Variants in TMED3 observed in about 807,000 individuals in gnomAD.
The protein encoded by TMED3 is transmembrane p24 trafficking protein 3, also known as transmembrane emp24 domain-containing protein 3.
Under a neutral mutation model 15.0 loss-of-function variants are expected in TMED3, and 9 were observed. The ratio of observed to expected loss-of-function variants is 0.60; its 90% CI spans 0.36 to 1.04. The LOEUF (loss-of-function observed/expected upper bound fraction) is 1.04, where lower values mean the gene tolerates loss of function less well. Ranked by LOEUF, TMED3 falls within the 50% of genes least tolerant of loss-of-function variation. TMED3 has a pLI of 0.01. For missense variants in TMED3, 267 were observed against 278.9 expected (o/e 0.96, Z 0.30); for synonymous variants, 117 against 121.4 (o/e 0.96, Z 0.24).
At chr15:79,320,059 G>C (rs1298615326) in intron 2 of TMED3, among the ~76,000 whole-genome samples, 1 of 152,140 alleles carries the variant, frequency 6.6e-6, no homozygotes, top group African/African-American at 2.4e-5. Context: ...ACTGGGAAAA[G>C]GGAGTCCCCC....
At chr15:79,323,459 C>A (rs992026681), downstream of TMED3, among the ~76,000 whole-genome samples, 1 of 151,632 alleles carries the variant, frequency 6.6e-6, no homozygotes, top group Non-Finnish European at 1.5e-5. Flanking sequence ...TTTGCTATTT[C>A]TTTTCTCTTA....
chr15:79,393,971 A>G (rs188150389), intron 2 of TMED3, among the ~76,000 whole-genome samples: 49 of 148,094 alleles, frequency 3.3e-4, no homozygotes, highest in Admixed American at 6.8e-4. Flanking sequence ...TGTTGGGATT[A>G]CATGCATGAG....
chr15:79,360,564 A>G (rs533426504), intron 2 of TMED3, among the ~76,000 whole-genome samples: 42 of 152,238 alleles, frequency 2.8e-4, no homozygotes, highest in Non-Finnish European at 4.1e-4. Flanking sequence ...ATTCCTTACA[A>G]CAGTACACTG....
At chr15:79,401,613 A>G (rs1344158337) in intron 2 of TMED3, among the ~76,000 whole-genome samples, 1 of 152,134 alleles carries the variant, frequency 6.6e-6, no homozygotes. Context: ...AAATGTCAAT[A>G]GTGCCAAGAT....
At chr15:79,321,185 G>A (rs937271906) in intron 2 of TMED3, among the ~76,000 whole-genome samples, 1 of 152,176 alleles carries the variant, frequency 6.6e-6, no homozygotes, top group Non-Finnish European at 1.5e-5. Context: ...CCCATCTTCA[G>A]GTCAGCTGTG....
intron 2 of TMED3, among the ~76,000 whole-genome samples, chr15:79,339,787 G>A (rs2058843765): frequency 1.3e-5 from 2 of 150,754 alleles, no homozygotes; most frequent in African/African-American, 4.9e-5. Context: ...GGTGGTGATG[G>A]CAGTGGTGGT....
chr15:79,334,849 G>C (rs2141225358), intron 2 of TMED3, among the ~76,000 whole-genome samples: 1 of 144,514 alleles, frequency 6.9e-6, no homozygotes, highest in Middle Eastern at 3.9e-3. Context: ...ATTGTAGAAG[G>C]GGTTATAATA....
chr15:79,375,604 T>G (rs1050215902), intron 2 of TMED3, among the ~76,000 whole-genome samples: 5 of 152,090 alleles, frequency 3.3e-5, no homozygotes, highest in African/African-American at 1.2e-4. Flanking sequence ...GCATGTCACA[T>G]GGCGAAAGCA....
At chr15:79,321,296 C>G (rs2058765619) in intron 2 of TMED3, among the ~76,000 whole-genome samples, 1 of 152,200 alleles carries the variant, frequency 6.6e-6, no homozygotes, top group Non-Finnish European at 1.5e-5. Context: ...AGGACATTTT[C>G]AGACTTCTGC....
At chr15:79,324,090 A>T (rs377754539), downstream of TMED3, among the ~76,000 whole-genome samples, 16 of 152,254 alleles carry the variant, frequency 1.1e-4, no homozygotes, top group African/African-American at 3.9e-4. Context: ...TCCTGGGTTT[A>T]CACCATTCTC....
At chr15:79,381,664 A>G (rs1160463680) in intron 2 of TMED3, among the ~76,000 whole-genome samples, 2 of 152,188 alleles carry the variant, frequency 1.3e-5, no homozygotes, top group Admixed American at 6.5e-5. Context: ...GACAAATCAT[A>G]TTGGAGCCAC....
chr15:79,313,665 A>G, intron 1 of TMED3, 92 bp from the exon 2 acceptor site: 1 of 1,469,300 alleles, frequency 6.8e-7, no homozygotes, highest in Admixed American at 2.4e-5. Flanking sequence ...GAAGTGACAG[A>G]AATGTTTGTA....
At chr15:79,345,658 T>A (rs7174419) in intron 2 of TMED3, among the ~76,000 whole-genome samples, 38,253 of 152,206 alleles carry the variant, frequency 0.25, 6,045 homozygotes, top group Middle Eastern at 0.41. Flanking sequence ...TTCCTTTGGG[T>A]ATATGCCCAG....
At chr15:79,328,941 C>T (rs1320431660) in intron 2 of TMED3, among the ~76,000 whole-genome samples, 2 of 152,212 alleles carry the variant, frequency 1.3e-5, no homozygotes, top group Non-Finnish European at 2.9e-5. Context: ...TTCAGTGGCA[C>T]AGCCCAGGTT....
intron 2 of TMED3, among the ~76,000 whole-genome samples, chr15:79,386,318 C>G (rs1263398451): frequency 6.6e-6 from 1 of 152,116 alleles, no homozygotes; most frequent in Non-Finnish European, 1.5e-5. Flanking sequence ...AACAAAATAA[C>G]TTGTATTCAC....
In TMED3 at chr15:79,372,881, G is replaced by A. The variant is rs556980699; in HGVS notation, c.418-38519G>A. ...TCTTATCAGTGCCCCTTCTATACCC[G>A]TAATGTGTTCCTGTCTTTTCAAGTC... On this transcript the variant is annotated intron_variant, in intron 2 of 2. Coordinates refer to the TMED3 transcript ENST00000424155. Among the ~76,000 whole-genome samples, 12 of 152,140 alleles carry A rather than the reference G, an allele frequency of 7.9e-5. No individual in the cohort carries two copies. The South Asian group carries it at 1.4e-3, about 18-fold the overall frequency.
At position 79,311,355 on chromosome 15, in the gene TMED3, A is replaced by T. The variant is rs1338627142; in HGVS notation, c.106A>T (p.Asn36Tyr). The T allele has an allele frequency of 6.2e-7, 1 of 1,612,064 alleles. No homozygotes were observed. Among genetic ancestry groups the T allele is most frequent in the East Asian group, 2.2e-5 (1 of 44,756 alleles). ...GAELTFELPD[N>Y]AKQCFHEEVE... ...CGAGCTCACCTTCGAGCTGCCGGAC[A>T]ACGCCAAGCAGTGCTTCCACGAGGA... Residue 36 changes from asparagine (N) to tyrosine (Y), a missense_variant, in exon 1 of 3, where the codon AAC (asparagine) becomes TAC (tyrosine). Physicochemically the swap from Asn to Tyr is moderately radical, Grantham distance 143 (BLOSUM62 -2). Transcript: ENST00000299705.
In TMED3 at chr15:79,371,758, T is replaced by TTTTACAA. The variant is rs550884973; in HGVS notation, c.418-39640_418-39634dup. Among the ~76,000 whole-genome samples, 15 of 152,256 alleles carry TTTTACAA rather than the reference T, an allele frequency of 9.9e-5. No homozygotes were observed. In the South Asian group the frequency reaches 3.1e-3, roughly 32 times the overall value. ...ATATTTCCAAGACCAGTTCTTTAGG[T>TTTTACAA]TTTACAATAGTGATGTTATCTATAG... On this transcript the variant is annotated intron_variant, in intron 2 of 2. Coordinates refer to the TMED3 transcript ENST00000424155.
Position 79,311,190 on chromosome 15 carries a change from C to T in TMED3, c.-60C>T, listed in dbSNP as rs2058710800. ...CTAGGACCCGGTCGGTAGTCGTCGCCCCAGCCCGCCGGGGGCGCAGCGCCC... is the reference window on the plus strand; with the variant it reads ...CTAGGACCCGGTCGGTAGTCGTCGCTCCAGCCCGCCGGGGGCGCAGCGCCC... On this transcript the variant is annotated 5_prime_UTR_variant, in exon 1 of 3. Coordinates refer to ENST00000299705, the MANE Select transcript of TMED3 (RefSeq NM_007364.4). The T allele has an allele frequency of 1.2e-5, 18 of 1,524,958 alleles. No individual in the cohort carries two copies. In the Middle Eastern group the frequency reaches 7.0e-4, roughly 59 times the overall value. 94.5% of individuals were successfully genotyped at this position (1,524,958 alleles called of 1,614,324 possible).
Sources: gnomAD v4.1 joint callset for allele counts (sites outside exome capture counted in the v4.1 genomes callset) on GRCh38, gnomAD v4.1.1 for gene constraint, MANE v1.5 for transcripts, NCBI Gene and HGNC (gene_info 2026-07-23, HGNC 2026-07-21) for gene names.